The following GHR variants were observed in gnomAD, a reference collection of about 807,000 sequenced individuals.
The protein encoded by GHR is growth hormone receptor.
In GHR, 35 loss-of-function variants were observed where a neutral mutation model predicts 67.1. The ratio of observed to expected loss-of-function variants is 0.52; its 90% confidence interval spans 0.40 to 0.69. GHR has a LOEUF of 0.69. GHR is among the 30% of genes least tolerant of loss of function. The pLI is 0.00. For missense variants in GHR, 792 were observed against 764.6 expected (o/e 1.04, Z -0.42); for synonymous variants, 272 against 269.1 (o/e 1.01, Z -0.10).
At chr5:42,467,708 C>T in intron 1 of GHR, 1 of 1,573,602 alleles carries the variant, frequency 6.4e-7, no homozygotes, top group South Asian at 1.1e-5. Flanking sequence ...TTCCCACACT[C>T]ATGACATTCA....
chr5:42,710,830 T>A (rs1579658818), intron 6 of GHR, among the ~76,000 whole-genome samples: 1 of 152,208 alleles, frequency 6.6e-6, no homozygotes, highest in African/African-American at 2.4e-5. Context: ...TGCTTTTCTG[T>A]TCTTATGTCT....
intron 1 of GHR, among the ~76,000 whole-genome samples, chr5:42,481,838 G>A (rs998098346): frequency 1.3e-5 from 2 of 151,878 alleles, no homozygotes; most frequent in Admixed American, 6.6e-5. Context: ...ACTTCCTCCT[G>A]TAGCTCGGAT....
chr5:42,493,158 C>G (rs1746185939), intron 1 of GHR, among the ~76,000 whole-genome samples: 1 of 152,272 alleles, frequency 6.6e-6, no homozygotes, highest in African/African-American at 2.4e-5. Context: ...TTCAGTGATT[C>G]TGTAGGCAGA....
chr5:42,607,994 C>T (rs1016508109), intron 2 of GHR, among the ~76,000 whole-genome samples: 2 of 152,156 alleles, frequency 1.3e-5, no homozygotes, highest in African/African-American at 4.8e-5. Flanking sequence ...TAGGCTGATT[C>T]TAACTACCTA....
intron 1 of GHR, among the ~76,000 whole-genome samples, chr5:42,444,401 T>C (rs1579709079): frequency 6.6e-6 from 1 of 152,328 alleles, no homozygotes; most frequent in East Asian, 1.9e-4. Flanking sequence ...ATGGCAGCTA[T>C]AAATATTAAC....
intron 1 of GHR, among the ~76,000 whole-genome samples, chr5:42,561,222 A>T (rs1215240602): frequency 6.6e-6 from 1 of 152,160 alleles, no homozygotes; most frequent in East Asian, 1.9e-4. Flanking sequence ...TAAGCCCTTC[A>T]GTTTGATAGC....
chr5:42,639,096 G>A (rs767722197), intron 3 of GHR, among the ~76,000 whole-genome samples: 4 of 152,152 alleles, frequency 2.6e-5, no homozygotes, highest in Non-Finnish European at 5.9e-5. Context: ...CTGAACACCT[G>A]TAAATGCTTG....
chr5:42,446,097 T>C (rs542173058), intron 1 of GHR, among the ~76,000 whole-genome samples: 2 of 152,338 alleles, frequency 1.3e-5, no homozygotes, highest in Admixed American at 6.5e-5. Flanking sequence ...GTGTTCCATA[T>C]TGAAGGCCTG....
rs1554054586 is a variant in GHR, at chr5:42,474,295, G to GAGAAAGAAAGAAAGAAAAGAA, written c.-12+50357_-12+50358insAGAAAGAAAGAAAGAAAGAAA. ...AGAAAGAAAGAAAGAAAAAGAGAAA[G>GAGAAAGAAAGAAAGAAAAGAA]AGAAAGAAAGAAAGAAAGAAAGAAA... On this transcript the variant is annotated intron_variant, in intron 1 of 9. Coordinates refer to ENST00000230882, the MANE Select transcript of GHR (RefSeq NM_000163.5). Among the ~76,000 whole-genome samples, 32 of 81,070 alleles carry GAGAAAGAAAGAAAGAAAAGAA rather than the reference G, an allele frequency of 3.9e-4. 1 individual carries two copies. Among genetic ancestry groups the GAGAAAGAAAGAAAGAAAAGAA allele is most frequent in the Admixed American group, 1.8e-3 (13 of 7,274 alleles). 53.2% of individuals were successfully genotyped at this position (81,070 alleles called of 152,430 possible).
intron 1 of GHR, among the ~76,000 whole-genome samples, chr5:42,512,814 T>TC (rs35148875): frequency 0.26 from 39,100 of 150,262 alleles, 5,440 homozygotes; most frequent in African/African-American, 0.28. Context: ...TTTTTTTTTT[T>TC]AACTAGAATT....
At chr5:42,436,705 C>G (rs17574616) in intron 1 of GHR, among the ~76,000 whole-genome samples, 41,304 of 152,034 alleles carry the variant, frequency 0.27, 6,083 homozygotes, top group African/African-American at 0.33. Context: ...TAGTTGACCT[C>G]TATTTCTCAG....
At chr5:42,453,051 G>GTA (rs1554052865) in intron 1 of GHR, among the ~76,000 whole-genome samples, 1 of 137,888 alleles carries the variant, frequency 7.3e-6, no homozygotes, top group African/African-American at 2.8e-5. Flanking sequence ...TGTGGACTGT[G>GTA]TTTTTTTTTT....
chr5:42,426,330 A>C (rs1053280599), intron 1 of GHR, among the ~76,000 whole-genome samples: 3 of 152,200 alleles, frequency 2.0e-5, no homozygotes, highest in African/African-American at 7.2e-5. Context: ...CCTGGTGAGC[A>C]ATGTTAATGT....
chr5:42,474,886 CTT>C (rs577382742), intron 1 of GHR, among the ~76,000 whole-genome samples: 6 of 122,164 alleles, frequency 4.9e-5, no homozygotes, highest in Admixed American at 1.7e-4. Flanking sequence ...TTTTTTTGCC[CTT>C]TTTTTTTTTT....
intron 2 of GHR, among the ~76,000 whole-genome samples, chr5:42,569,856 A>G (rs971208977): frequency 2.0e-5 from 3 of 152,156 alleles, no homozygotes; most frequent in African/African-American, 7.2e-5. Flanking sequence ...GTGTTATATC[A>G]TTCTGTACCA....
intron 1 of GHR, among the ~76,000 whole-genome samples, chr5:42,486,471 G>T (rs1190106930): frequency 6.6e-6 from 1 of 152,130 alleles, no homozygotes; most frequent in African/African-American, 2.4e-5. Flanking sequence ...CTCTAAGAAT[G>T]GTCGACAATT....
In GHR at chr5:42,688,996, C is replaced by G. The variant is rs1757293786; in HGVS notation, c.243C>G (p.Pro81=). The G allele has an allele frequency of 6.2e-7, 1 of 1,613,760 alleles. No individual in the cohort carries two copies. The highest frequency in any genetic ancestry group is 8.5e-7 in the Non-Finnish European group (1 of 1,179,652). Residue 81 remains proline, a synonymous_variant, in exon 4 of 10, where the codon CCC becomes CCG. Coordinates refer to ENST00000230882, the MANE Select transcript of GHR (RefSeq NM_000163.5). ...EVHHGTKNLG[P]IQLFYTRRNT... ...ATCATGGTACAAAGAACCTAGGACC[C>G]ATACAGCTGTTCTATACCAGAAGGT...
At chr5:42,531,384 A>G (rs369342714) in intron 1 of GHR, among the ~76,000 whole-genome samples, 6 of 152,226 alleles carry the variant, frequency 3.9e-5, no homozygotes, top group Non-Finnish European at 8.8e-5. Flanking sequence ...AGTAGCAGAA[A>G]AAGAAAACTA....
rs555224028 is a variant in GHR, at chr5:42,479,414, A to G, written c.-12+55459A>G. Among the ~76,000 whole-genome samples, 41 of 152,320 alleles carry G rather than the reference A, an allele frequency of 2.7e-4. 1 individual carries two copies. The highest frequency in any genetic ancestry group is 3.5e-4 in the Non-Finnish European group (24 of 68,032). On this transcript the variant is annotated intron_variant, in intron 1 of 9. Coordinates refer to ENST00000230882, the MANE Select transcript of GHR (RefSeq NM_000163.5). ...GCTAGCCTCATAAAATGAGTTAGGGAGGATTCCCTCTTTTTCTATTGATTG... is the reference window on the plus strand; with the variant it reads ...GCTAGCCTCATAAAATGAGTTAGGGGGGATTCCCTCTTTTTCTATTGATTG...
Sources: allele counts gnomAD v4.1 joint callset (sites outside exome capture counted in the v4.1 genomes callset), GRCh38; gene constraint gnomAD v4.1.1; transcripts MANE v1.5; gene names NCBI Gene and HGNC (gene_info 2026-07-23, HGNC 2026-07-21).